Variants in APBB2 observed in about 807,000 individuals in gnomAD.
APBB2 encodes Fe65-like 1.
APBB2 carries 38 observed loss-of-function variants against 82.5 expected under a neutral mutation model. The ratio of observed to expected loss-of-function variants is 0.46; its 90% confidence interval spans 0.36 to 0.60. The LOEUF is 0.60. Among genes scored for constraint, APBB2 ranks in the 20% least tolerant of loss-of-function variants. The pLI is 0.00. For missense variants in APBB2, 772 were observed against 972.3 expected (o/e 0.79, Z 2.74); for synonymous variants, 341 against 368.2 (o/e 0.93, Z 0.85).
intron 2 of APBB2, among the ~76,000 whole-genome samples, chr4:41,105,341 T>C (rs978235590): frequency 6.6e-6 from 1 of 152,044 alleles, no homozygotes; most frequent in African/African-American, 2.4e-5. Flanking sequence ...ACCAAATTAC[T>C]ACATGTTTTG....
In APBB2 at chr4:41,186,687, T is replaced by C. The variant is rs370088552; in HGVS notation, c.-417+27718A>G. Among the ~76,000 whole-genome samples, 38 of 152,314 alleles carry C rather than the reference T, an allele frequency of 2.5e-4. No homozygotes were observed. The South Asian group carries it at 3.3e-3, about 13-fold the overall frequency. ...TCATTACCCATACCCTTGACTTACA[T>C]TGCAATAAACCCACCATAAATTGAA... On this transcript the variant is annotated intron_variant, in intron 1 of 17. Transcript: ENST00000508593.
chr4:40,915,158 C>T (rs144669614), intron 10 of APBB2, among the ~76,000 whole-genome samples: 95 of 152,348 alleles, frequency 6.2e-4, no homozygotes, highest in African/African-American at 2.2e-3. Flanking sequence ...AATCCTTCAT[C>T]CACTAAGGAC....
chr4:41,183,761 A>G (rs1035236440), intron 1 of APBB2, among the ~76,000 whole-genome samples: 88 of 146,484 alleles, frequency 6.0e-4, no homozygotes, highest in African/African-American at 2.2e-3. Flanking sequence ...TGTTTAAGCC[A>G]GTTGTCCCCA....
chr4:41,005,556 T>G (rs1374853431), intron 6 of APBB2, among the ~76,000 whole-genome samples: 13 of 152,192 alleles, frequency 8.5e-5, no homozygotes, highest in Admixed American at 8.5e-4. Context: ...GGGGGCTGCA[T>G]GCCCACCTCC....
chr4:41,063,205 G>A lies in APBB2; in HGVS notation c.-51+2371C>T, dbSNP rs143595425. On this transcript the variant is annotated intron_variant, in intron 4 of 17. Coordinates refer to ENST00000508593, the MANE Select transcript of APBB2 (RefSeq NM_004307.2). Reference sequence around the variant, plus strand: ...TCAACTTTCTTCTACATAGGGGTGGGCAAATTTTTTCTTAACAGGCTCACA... The same window carrying A: ...TCAACTTTCTTCTACATAGGGGTGGACAAATTTTTTCTTAACAGGCTCACA... Among the ~76,000 whole-genome samples, 482 of 152,300 alleles carry A rather than the reference G, an allele frequency of 3.2e-3. 5 individuals are homozygous for A. The highest frequency in any genetic ancestry group is 0.011 in the African/African-American group (469 of 41,558).
intron 12 of APBB2, chr4:40,881,055 C>T: frequency 4.1e-6 from 4 of 985,350 alleles, no homozygotes; most frequent in Non-Finnish European, 1.2e-6. Context: ...GAAAGTATTG[C>T]AAGCATCCCA....
At chr4:40,910,384 A>G (rs73150537) in intron 10 of APBB2, among the ~76,000 whole-genome samples, 5,091 of 152,026 alleles carry the variant, frequency 0.033, 273 homozygotes, top group African/African-American at 0.12. Context: ...ACTACAGGCT[A>G]CGCACTACCA....
intron 3 of APBB2, among the ~76,000 whole-genome samples, chr4:41,081,257 AGT>A (rs961866524): frequency 1.3e-5 from 2 of 152,130 alleles, no homozygotes; most frequent in Non-Finnish European, 2.9e-5. Context: ...TCTGCACAGC[AGT>A]GTGTGTGTGT....
chr4:41,182,237 T>C (rs1394167210), intron 1 of APBB2, among the ~76,000 whole-genome samples: 2 of 152,204 alleles, frequency 1.3e-5, no homozygotes, highest in Non-Finnish European at 2.9e-5. Flanking sequence ...TAGGCTTTCA[T>C]TCCTACCATT....
intron 6 of APBB2, among the ~76,000 whole-genome samples, chr4:40,983,830 G>A (rs1197942298): frequency 1.3e-5 from 2 of 152,140 alleles, no homozygotes; most frequent in African/African-American, 4.8e-5. Context: ...TCCCGCCTCG[G>A]CCTCCCAAAG....
At chr4:40,972,111 G>T (rs1023972092) in intron 6 of APBB2, among the ~76,000 whole-genome samples, 2 of 152,174 alleles carry the variant, frequency 1.3e-5, no homozygotes. Flanking sequence ...TTTTATACAG[G>T]ATTAATCCAA....
intron 12 of APBB2, among the ~76,000 whole-genome samples, chr4:40,867,056 G>A (rs999082493): frequency 3.9e-5 from 6 of 152,114 alleles, no homozygotes; most frequent in African/African-American, 9.7e-5. Flanking sequence ...ATGCACGGCC[G>A]ACAGTGTCCT....
chr4:41,014,384 C>G lies in APBB2; in HGVS notation c.34G>C (p.Asp12His), dbSNP rs2154429986. 1.2e-6 allele frequency: 2 copies of G among 1,613,908 alleles called. No homozygotes were observed. The highest frequency in any genetic ancestry group is 4.5e-5 in the East Asian group (2 of 44,874). Reference protein sequence around the residue: ...SEVLPADSGVDTLAVFMASSG... With the variant: ...SEVLPADSGVHTLAVFMASSG... ...CTGGCCATAAACACTGCCAAGGTGTCAACACCTGAGTCAGCTGGGGAAAAA... is the reference window on the plus strand; with the variant it reads ...CTGGCCATAAACACTGCCAAGGTGTGAACACCTGAGTCAGCTGGGGAAAAA... The change falls in exon 6 of 18, where the codon GAC becomes CAC. Residue 12 changes from aspartate to histidine, a missense_variant. Asp to His is a moderately conservative substitution (Grantham distance 81). Transcript: ENST00000508593.
chr4:40,833,629 A>C (rs576670518), intron 12 of APBB2, among the ~76,000 whole-genome samples: 4 of 152,332 alleles, frequency 2.6e-5, no homozygotes, highest in African/African-American at 9.6e-5. Context: ...CAGCAGCCAG[A>C]AGGGCCAGGC....
rs148222536 is a variant in APBB2, at chr4:40,826,373, GTT to G, written c.1733-405_1733-404del. Among the ~76,000 whole-genome samples the G allele has an allele frequency of 1.4e-5, 2 of 146,058 alleles. No homozygotes were observed. The highest frequency in any genetic ancestry group is 3.0e-5 in the Non-Finnish European group (2 of 66,292). On this transcript the variant is annotated intron_variant, in intron 14 of 17. Coordinates refer to ENST00000508593, the MANE Select transcript of APBB2 (RefSeq NM_004307.2). The surrounding 1 kb of genome is among the most constrained non-coding windows in gnomAD (Gnocchi z 4.5). ...TGAGTTCCCCCAGTAATCAACCCACGTTTTTTTTTTTTTAGAGACAAGAGTCT... is the reference window on the plus strand; with the variant it reads ...TGAGTTCCCCCAGTAATCAACCCACGTTTTTTTTTTTAGAGACAAGAGTCT...
At chr4:40,918,017 G>A (rs1353135928) in intron 10 of APBB2, among the ~76,000 whole-genome samples, 1 of 152,214 alleles carries the variant, frequency 6.6e-6, no homozygotes, top group African/African-American at 2.4e-5. Flanking sequence ...CTTATTCCAT[G>A]ACAATGCAAT....
At chr4:41,149,879 T>G (rs1204575764) in intron 1 of APBB2, among the ~76,000 whole-genome samples, 1 of 152,206 alleles carries the variant, frequency 6.6e-6, no homozygotes, top group Non-Finnish European at 1.5e-5. Flanking sequence ...CACTCTTTCC[T>G]GACACCATGT....
intron 6 of APBB2, among the ~76,000 whole-genome samples, chr4:40,959,298 A>C (rs564731818): frequency 6.6e-6 from 1 of 152,266 alleles, no homozygotes; most frequent in South Asian, 2.1e-4. Flanking sequence ...TTTGGCTTCC[A>C]TACAATTAAA....
chr4:41,194,433 A>G, intron 1 of APBB2, among the ~76,000 whole-genome samples: 1 of 152,378 alleles, frequency 6.6e-6, no homozygotes, highest in African/African-American at 2.4e-5. Flanking sequence ...CTGTAATCCC[A>G]GCACTTTGGG....
Sources: gnomAD v4.1 joint callset for allele counts (sites outside exome capture counted in the v4.1 genomes callset) on GRCh38, gnomAD v4.1.1 for gene constraint, Gnocchi (gnomAD v3.1) non-coding constraint, MANE v1.5 for transcripts, NCBI Gene and HGNC (gene_info 2026-07-23, HGNC 2026-07-21) for gene names.